RARB: variants seen among roughly 807,000 people sequenced by gnomAD.
The protein encoded by RARB is HBV-activated protein.
Under a neutral mutation model 51.9 loss-of-function variants are expected in RARB, and 17 were observed. That is an observed-to-expected ratio of 0.33 (90% CI 0.22 to 0.49). The LOEUF (loss-of-function observed/expected upper bound fraction) is 0.49. Among genes scored for constraint, RARB ranks in the 20% least tolerant of loss-of-function variants. The probability of loss-of-function intolerance (pLI) is 0.99; values close to 1 mark genes in which losing one functional copy is unlikely to be tolerated. For synonymous variants in RARB, 215 were observed against 195.4 expected, an observed-to-expected ratio of 1.10 and a Z score of -0.84; for missense variants, 369 against 550.8, an observed-to-expected ratio of 0.67 and a Z score of 3.30.
intron 2 of RARB, among the ~76,000 whole-genome samples, chr3:25,477,562 T>TAAAC (rs1696014054): frequency 1.3e-5 from 2 of 152,248 alleles, no homozygotes; most frequent in African/African-American, 4.8e-5. Flanking sequence ...CTACAAGTAC[T>TAAAC]TGCATACTGC....
intron 2 of RARB, among the ~76,000 whole-genome samples, chr3:24,933,152 TA>T (rs368853154): frequency 2.0e-5 from 3 of 152,232 alleles, no homozygotes; most frequent in East Asian, 1.9e-4. Flanking sequence ...TGAATCTTTT[TA>T]AAAAAACAAT....
chr3:24,978,284 G>A (rs904226817), intron 2 of RARB, among the ~76,000 whole-genome samples: 14 of 152,288 alleles, frequency 9.2e-5, no homozygotes, highest in Non-Finnish European at 1.8e-4. Flanking sequence ...GAGTTAGGGA[G>A]AATTCCCTCT....
intron 5 of RARB, among the ~76,000 whole-genome samples, chr3:25,237,863 G>C (rs1176229046): frequency 6.6e-6 from 1 of 151,836 alleles, no homozygotes; most frequent in African/African-American, 2.4e-5. Flanking sequence ...TACAATATAT[G>C]GTCTGTTGTG....
chr3:24,839,379 T>C (rs1353411408), intron 1 of RARB, among the ~76,000 whole-genome samples: 1 of 151,936 alleles, frequency 6.6e-6, no homozygotes, highest in Admixed American at 6.6e-5. Flanking sequence ...TAAGGATAAA[T>C]TGTGATGAAT....
At chr3:25,046,772 A>G (rs1698226082) in intron 2 of RARB, among the ~76,000 whole-genome samples, 1 of 152,196 alleles carries the variant, frequency 6.6e-6, no homozygotes, top group Non-Finnish European at 1.5e-5. Flanking sequence ...GATAATTTAT[A>G]TTAGTTAGTA....
intron 5 of RARB, among the ~76,000 whole-genome samples, chr3:25,323,618 G>C (rs879710345): frequency 6.6e-6 from 1 of 152,112 alleles, no homozygotes; most frequent in Non-Finnish European, 1.5e-5. Context: ...CATCCATTTT[G>C]ATATGAAACA....
chr3:25,444,391 G>A (rs1160086875), intron 1 of RARB, among the ~76,000 whole-genome samples: 1 of 152,226 alleles, frequency 6.6e-6, no homozygotes, highest in Non-Finnish European at 1.5e-5. Context: ...GTTAACAAGT[G>A]AAAGCTGGAA....
At chr3:25,143,636 G>T (rs1700143599) in intron 4 of RARB, among the ~76,000 whole-genome samples, 2 of 152,152 alleles carry the variant, frequency 1.3e-5, no homozygotes, top group Admixed American at 6.5e-5. Context: ...CATCTCCTCT[G>T]TCATAACACT....
chr3:25,307,964 G>T (rs1704193134), intron 5 of RARB, among the ~76,000 whole-genome samples: 1 of 152,166 alleles, frequency 6.6e-6, no homozygotes, highest in Non-Finnish European at 1.5e-5. Flanking sequence ...AGACCATATG[G>T]CCAGCAAAGC....
chr3:25,587,532 A>G (rs1377429607), intron 5 of RARB, among the ~76,000 whole-genome samples: 1 of 152,248 alleles, frequency 6.6e-6, no homozygotes, highest in Non-Finnish European at 1.5e-5. Context: ...ACATTGCAAA[A>G]CAATGGCTGC....
intron 5 of RARB, among the ~76,000 whole-genome samples, chr3:25,211,669 G>A (rs1292025090): frequency 1.3e-5 from 2 of 152,054 alleles, no homozygotes; most frequent in East Asian, 1.9e-4. Flanking sequence ...TTTTTATTAA[G>A]GGCCCAACAG....
chr3:25,461,417 A>G lies in RARB; in HGVS notation c.306+76A>G, dbSNP rs1386709065. On this transcript the variant is annotated intron_variant, in intron 2 of 7. Coordinates refer to ENST00000330688, the MANE Select transcript of RARB (RefSeq NM_000965.5). ...TATGGAGGTGACCTACCCAGTTCCA[A>G]AAATGGGCTGGATGTGTAACATCAC... 8 of 1,513,936 alleles carry G rather than the reference A, an allele frequency of 5.3e-6. No homozygotes were observed. In the Middle Eastern group the frequency reaches 5.3e-4, roughly 100 times the overall value. 93.8% of individuals were successfully genotyped at this position (1,513,936 alleles called of 1,614,324 possible). A position where few individuals can be genotyped will look rare whatever the true frequency, so the allele number is the denominator to read the frequency against.
At chr3:24,995,069 T>C (rs1273229357) in intron 2 of RARB, among the ~76,000 whole-genome samples, 1 of 152,118 alleles carries the variant, frequency 6.6e-6, no homozygotes, top group Non-Finnish European at 1.5e-5. Flanking sequence ...AATTTGTAGA[T>C]TGCTTTGAGT....
chr3:25,196,989 T>A (rs1701257819), intron 5 of RARB, among the ~76,000 whole-genome samples: 1 of 152,172 alleles, frequency 6.6e-6, no homozygotes, highest in South Asian at 2.1e-4. Flanking sequence ...ATGGATAGAT[T>A]GCAAAAATTT....
chr3:25,279,030 C>G (rs1003866978), intron 5 of RARB, among the ~76,000 whole-genome samples: 6 of 152,150 alleles, frequency 3.9e-5, no homozygotes, highest in African/African-American at 1.4e-4. Flanking sequence ...TGTTACTTTT[C>G]AAGTGGTGAT....
chr3:25,472,527 T>C (rs1305318283), intron 2 of RARB, among the ~76,000 whole-genome samples: 1 of 152,210 alleles, frequency 6.6e-6, no homozygotes, highest in East Asian at 1.9e-4. Context: ...ATCCTCATCA[T>C]ATTTAGAGAA....
chr3:25,496,873 T>G (rs1697059810), intron 2 of RARB, among the ~76,000 whole-genome samples: 1 of 152,052 alleles, frequency 6.6e-6, no homozygotes, highest in African/African-American at 2.4e-5. Context: ...AAACCAGGTG[T>G]TGTTTTTTTG....
At chr3:25,581,295 C>G (rs1701164203) in intron 5 of RARB, among the ~76,000 whole-genome samples, 1 of 152,168 alleles carries the variant, frequency 6.6e-6, no homozygotes, top group Non-Finnish European at 1.5e-5. Context: ...ACTTCAAAAG[C>G]TGATTTTACT....
intron 5 of RARB, among the ~76,000 whole-genome samples, chr3:25,412,905 C>T (rs1381739230): frequency 1.3e-5 from 2 of 151,912 alleles, no homozygotes; most frequent in African/African-American, 4.8e-5. Flanking sequence ...TGTAATCCCA[C>T]CTATTCAGGA....
Sources: allele counts gnomAD v4.1 joint callset (sites outside exome capture counted in the v4.1 genomes callset), GRCh38; gene constraint gnomAD v4.1.1; transcripts MANE v1.5; gene names NCBI Gene and HGNC (gene_info 2026-07-23, HGNC 2026-07-21).